Variants in PKHD1L1 observed in about 807,000 individuals in gnomAD.
PKHD1L1 encodes the protein fibrocystin-L.
Under a neutral mutation model 462.9 loss-of-function variants are expected in PKHD1L1, and 434 were observed. The observed-to-expected ratio is 0.94, with a 90% CI of 0.87 to 1.02. PKHD1L1 has a LOEUF of 1.02. Among genes scored for constraint, PKHD1L1 ranks in the 50% least tolerant of loss-of-function variants. The pLI is 0.00. For synonymous variants in PKHD1L1, 1,781 were observed against 1,750.0 expected (o/e 1.02, Z -0.44); for missense variants, 5,202 against 5,096.1 (o/e 1.02, Z -0.63).
intron 74 of PKHD1L1, 103 bp from the exon 75 acceptor site, chr8:109,522,641 C>A: frequency 8.5e-7 from 1 of 1,173,088 alleles, no homozygotes; most frequent in Non-Finnish European, 1.1e-6. Flanking sequence ...GAACATATTC[C>A]AAAATAAATA....
chr8:109,518,008 A>C (rs778758624), intron 72 of PKHD1L1, among the ~76,000 whole-genome samples, 159 bp from the exon 73 acceptor site: 1 of 152,172 alleles, frequency 6.6e-6, no homozygotes, highest in Non-Finnish European at 1.5e-5. Flanking sequence ...GGTCAGTTCT[A>C]TAAGTGTTTT....
chr8:109,484,770 T>C (rs2130898443), intron 57 of PKHD1L1, among the ~76,000 whole-genome samples: 1 of 152,058 alleles, frequency 6.6e-6, no homozygotes, highest in South Asian at 2.1e-4. Context: ...TGCTTTGATG[T>C]CTTTGCTTTT....
At chr8:109,371,501 T>G (rs970707948) in intron 2 of PKHD1L1, among the ~76,000 whole-genome samples, 8 of 150,326 alleles carry the variant, frequency 5.3e-5, no homozygotes, top group East Asian at 1.9e-4. Context: ...AGAAGCTCTT[T>G]AGTTTAATTA....
intron 2 of PKHD1L1, among the ~76,000 whole-genome samples, chr8:109,372,737 G>A (rs1186068853): frequency 6.6e-6 from 1 of 152,124 alleles, no homozygotes; most frequent in Non-Finnish European, 1.5e-5. Context: ...TTTGTCAAAG[G>A]CCTTTTCTGC....
chr8:109,367,637 C>T (rs1478525365), intron 2 of PKHD1L1, among the ~76,000 whole-genome samples: 2 of 152,264 alleles, frequency 1.3e-5, no homozygotes, highest in Non-Finnish European at 2.9e-5. Flanking sequence ...AATCCCAGTG[C>T]TTTGGGAAGC....
intron 21 of PKHD1L1, among the ~76,000 whole-genome samples, chr8:109,418,396 G>C (rs1385834756): frequency 1.3e-5 from 2 of 152,082 alleles, no homozygotes; most frequent in African/African-American, 4.8e-5. Context: ...AAACAAACTA[G>C]TCAGTTAATA....
chr8:109,485,574 C>A (rs1323014391), intron 58 of PKHD1L1, among the ~76,000 whole-genome samples: 1 of 151,856 alleles, frequency 6.6e-6, no homozygotes, highest in South Asian at 2.1e-4. Flanking sequence ...AAGGATAAAA[C>A]TATAATTGTT....
rs1473189996 is a variant in PKHD1L1 at position 109,506,216 on chromosome 8, A to G, written c.10995-1447A>G. 3.9e-5 allele frequency among the ~76,000 whole-genome samples: 6 copies of G among 152,310 alleles called. No individual in the cohort carries two copies. In the East Asian group the frequency reaches 9.7e-4, roughly 25 times the overall value. On this transcript the variant is annotated intron_variant, in intron 68 of 77. Coordinates refer to ENST00000378402, the MANE Select transcript of PKHD1L1 (RefSeq NM_177531.6). ...AGTGCTCTCCCAGATCTTTAGGGGC[A>G]GTGTACCCAGCCCCCAAATGTTCTC... is the stretch of plus-strand genomic sequence containing the variant.
chr8:109,497,906 A>T (rs1030062701), intron 65 of PKHD1L1, among the ~76,000 whole-genome samples: 1 of 152,092 alleles, frequency 6.6e-6, no homozygotes, highest in Admixed American at 6.6e-5. Context: ...TATCACAGAA[A>T]CATAACATGT....
At chr8:109,445,754 T>G (rs1816102669) in intron 38 of PKHD1L1, 109 bp downstream of exon 38, 4 of 1,181,204 alleles carry the variant, frequency 3.4e-6, no homozygotes, top group Middle Eastern at 2.8e-4. Context: ...TTTATAAATG[T>G]TCCCACTTAC....
chr8:109,511,227 G>A (rs1819959240), intron 71 of PKHD1L1, among the ~76,000 whole-genome samples: 1 of 151,922 alleles, frequency 6.6e-6, no homozygotes, highest in South Asian at 2.1e-4. Flanking sequence ...AAGTTTTAGG[G>A]TACATGTGCA....
chr8:109,429,470 T>C lies in PKHD1L1; in HGVS notation c.3123+8T>C. On this transcript the variant is annotated splice_region_variant and intron_variant, in intron 26 of 77. Transcript: ENST00000378402. ...CCCAGTCAACAGCCACAGGTATTTT[T>C]GAAACTTTTCTCATGATGCTTAATG... 1 of 1,603,562 alleles carries C rather than the reference T, an allele frequency of 6.2e-7. No individual in the cohort carries two copies. The highest frequency in any genetic ancestry group is 8.5e-7 in the Non-Finnish European group (1 of 1,174,410).
intron 49 of PKHD1L1, among the ~76,000 whole-genome samples, 191 bp downstream of exon 49, chr8:109,465,436 G>A (rs934257240): frequency 6.6e-6 from 1 of 152,266 alleles, no homozygotes; most frequent in East Asian, 1.9e-4. Context: ...GCCCCAATCT[G>A]TCAGAGACAG....
rs1299325160 is a variant in PKHD1L1 at position 109,445,640 on chromosome 8, G to A, written c.5771G>A (p.Ser1924Asn). ...CCATTTCTCAGAGGAATTATCCCAA[G>A]CAGAGGTACTCCAATATCTGCCTTA... ...DTPFLRGIIPSRGPPGTEIEI... is the reference protein window; with the variant it reads ...DTPFLRGIIPNRGPPGTEIEI... The change falls in exon 38 of 78, where the codon AGC becomes AAC. Residue 1924 changes from serine (S) to asparagine (N), a missense_variant. Transcript: ENST00000378402. The A allele has an allele frequency of 3.7e-6, 6 of 1,601,870 alleles. No homozygotes were observed. The highest frequency in any genetic ancestry group is 3.3e-5 in the South Asian group (3 of 89,992).
intron 70 of PKHD1L1, 146 bp downstream of exon 70, chr8:109,508,410 C>A: frequency 3.8e-6 from 3 of 787,958 alleles, no homozygotes; most frequent in Non-Finnish European, 6.0e-6. Context: ...GAGCAATGCG[C>A]AGGGGAGAGA....
At chr8:109,507,946 A>T in intron 69 of PKHD1L1, 51 bp downstream of exon 69, 1 of 1,576,066 alleles carries the variant, frequency 6.3e-7, no homozygotes, top group African/African-American at 1.4e-5. Flanking sequence ...TCATGAAACA[A>T]AATATGTTTT....
At chr8:109,448,573 G>A (rs1243703723) in intron 39 of PKHD1L1, among the ~76,000 whole-genome samples, 182 bp downstream of exon 39, 5 of 150,304 alleles carry the variant, frequency 3.3e-5, no homozygotes, top group African/African-American at 9.8e-5. Context: ...GTGCAGTGGC[G>A]CGATCTTGGC....
At position 109,385,553 on chromosome 8, in the gene PKHD1L1, C is replaced by A. The variant is rs188964371; in HGVS notation, c.492C>A (p.Ile164=). The change falls in exon 6 of 78, where the codon ATC becomes ATA. Residue 164 remains isoleucine, a synonymous_variant. Transcript: ENST00000378402. ...LSGTPGTLIT[I]QGRIFTDVYG... is the part of the protein sequence containing the mutation. Reference sequence around the variant, plus strand: ...TGTTTTCAGGTACACTAATAACAATCCAAGGCAGAATCTTCACTGATGTCT... The same window carrying A: ...TGTTTTCAGGTACACTAATAACAATACAAGGCAGAATCTTCACTGATGTCT... The A allele has an allele frequency of 1.0e-4, 164 of 1,599,800 alleles. No homozygotes were observed. The African/African-American group carries it at 1.7e-3, about 16-fold the overall frequency.
chr8:109,382,793 AC>A (rs1481704743), intron 4 of PKHD1L1, among the ~76,000 whole-genome samples: 1 of 151,564 alleles, frequency 6.6e-6, no homozygotes, highest in Non-Finnish European at 1.5e-5. Context: ...ATTAAATTAA[AC>A]TTTTGTACTT....
Sources: allele counts gnomAD v4.1 joint callset (sites outside exome capture counted in the v4.1 genomes callset), GRCh38; gene constraint gnomAD v4.1.1; transcripts MANE v1.5; gene names NCBI Gene and HGNC (gene_info 2026-07-23, HGNC 2026-07-21).